The following SHISAL2B variants were observed in gnomAD, a reference collection of about 807,000 sequenced individuals.
SHISAL2B encodes protein shisa-like-2B.
Under a neutral mutation model 16.5 loss-of-function variants are expected in SHISAL2B, and 12 were observed. The ratio of observed to expected loss-of-function variants is 0.73; its 90% CI spans 0.47 to 1.18. SHISAL2B has a LOEUF of 1.18. Among genes scored for constraint, SHISAL2B ranks in the 50% most tolerant of loss-of-function variants. The probability of loss-of-function intolerance (pLI) is 0.00; values close to 1 mark genes in which losing one functional copy is unlikely to be tolerated. For synonymous variants in SHISAL2B, 72 were observed against 75.0 expected (o/e 0.96, Z 0.21); for missense variants, 183 against 193.6 (o/e 0.95, Z 0.33).
intron 2 of SHISAL2B, among the ~76,000 whole-genome samples, chr5:64,705,687 A>G (rs1741866430): frequency 1.3e-5 from 2 of 152,358 alleles, no homozygotes; most frequent in African/African-American, 2.4e-5. Context: ...ATTTTCAAAT[A>G]TTATATAATG....
chr5:64,714,267 C>A (rs954512896), intron 2 of SHISAL2B, among the ~76,000 whole-genome samples: 11 of 138,014 alleles, frequency 8.0e-5, no homozygotes, highest in Admixed American at 2.8e-4. Context: ...CAGACAGGAC[C>A]CTCAGCTGCA....
At chr5:64,695,750 T>C in intron 2 of SHISAL2B, 86 bp downstream of exon 2, 1 of 1,019,316 alleles carries the variant, frequency 9.8e-7, no homozygotes, top group Non-Finnish European at 1.3e-6. Flanking sequence ...CTGTTAACAA[T>C]GAATGCTTTT....
At chr5:64,706,114 T>C (rs1170731949) in intron 2 of SHISAL2B, among the ~76,000 whole-genome samples, 1 of 152,212 alleles carries the variant, frequency 6.6e-6, no homozygotes, top group Non-Finnish European at 1.5e-5. Flanking sequence ...GAGCCGAGAT[T>C]GCACCACTGT....
At chr5:64,692,779 C>G (rs552797741) in intron 1 of SHISAL2B, among the ~76,000 whole-genome samples, 1 of 152,178 alleles carries the variant, frequency 6.6e-6, no homozygotes, top group African/African-American at 2.4e-5. Flanking sequence ...TCTTCCTTTC[C>G]TGTGTCTGGC....
At chr5:64,695,219 T>G (rs957980544) in intron 1 of SHISAL2B, among the ~76,000 whole-genome samples, 2 of 150,754 alleles carry the variant, frequency 1.3e-5, no homozygotes, top group Non-Finnish European at 2.9e-5. Context: ...GATCCAAGAT[T>G]GTGCCATTGC....
At chr5:64,692,409 C>A (rs1452457013) in intron 1 of SHISAL2B, among the ~76,000 whole-genome samples, 2 of 152,216 alleles carry the variant, frequency 1.3e-5, no homozygotes, top group Admixed American at 6.5e-5. Context: ...ATGGACAGTG[C>A]AGCTCCATTC....
At chr5:64,694,258 C>T (rs1385153035) in intron 1 of SHISAL2B, 1 of 354,480 alleles carries the variant, frequency 2.8e-6, no homozygotes, top group Non-Finnish European at 5.5e-6. Context: ...TTTCTACAAG[C>T]TAAGTTCTCA....
chr5:64,705,877 G>A (rs1741868955), intron 2 of SHISAL2B, among the ~76,000 whole-genome samples: 1 of 152,118 alleles, frequency 6.6e-6, no homozygotes, highest in Admixed American at 6.5e-5. Flanking sequence ...GTGTAAGATG[G>A]GCTGGGTGCA....
intron 2 of SHISAL2B, among the ~76,000 whole-genome samples, chr5:64,708,554 A>C (rs1026433544): frequency 6.6e-6 from 1 of 152,196 alleles, no homozygotes; most frequent in Non-Finnish European, 1.5e-5. Context: ...AATCTTAAAA[A>C]CAATCCATAC....
At chr5:64,705,312 C>A (rs1741860931) in intron 2 of SHISAL2B, among the ~76,000 whole-genome samples, 2 of 151,978 alleles carry the variant, frequency 1.3e-5, no homozygotes, top group South Asian at 4.2e-4. Flanking sequence ...TAGAGAGAAC[C>A]CCGGAATGAC....
chr5:64,692,019 G>C (rs922467983), intron 1 of SHISAL2B, among the ~76,000 whole-genome samples: 3 of 152,120 alleles, frequency 2.0e-5, no homozygotes, highest in African/African-American at 7.2e-5. Context: ...GTCTCAAAAG[G>C]AGTGCCTACC....
chr5:64,717,743 A>G, intron 2 of SHISAL2B, 146 bp from the exon 3 acceptor site: 1 of 617,270 alleles, frequency 1.6e-6, no homozygotes, highest in Admixed American at 4.0e-5. Context: ...AACCACTTCA[A>G]AATAACTCAA....
chr5:64,695,932 C>G (rs543570839), intron 2 of SHISAL2B, among the ~76,000 whole-genome samples: 1 of 152,242 alleles, frequency 6.6e-6, no homozygotes, highest in African/African-American at 2.4e-5. Flanking sequence ...ATTTATGTTC[C>G]TTCCAGTTAT....
intron 2 of SHISAL2B, among the ~76,000 whole-genome samples, chr5:64,716,351 TAATA>T (rs1259016925): frequency 6.6e-6 from 1 of 152,212 alleles, no homozygotes; most frequent in African/African-American, 2.4e-5. Flanking sequence ...TACACTCAAC[TAATA>T]TTTATTGAAC....
chr5:64,710,371 G>C (rs1461657493), intron 2 of SHISAL2B, among the ~76,000 whole-genome samples: 1 of 93,316 alleles, frequency 1.1e-5, no homozygotes, highest in African/African-American at 5.5e-5. Flanking sequence ...ATTTCTGAGG[G>C]CTCTGTTCTG....
rs1336961863 is a variant in SHISAL2B at position 64,711,314 on chromosome 5, G to T, written c.350-6575G>T. On this transcript the variant is annotated intron_variant, in intron 2 of 2. Coordinates refer to ENST00000389074, the MANE Select transcript of SHISAL2B (RefSeq NM_001164442.2). ...AGATAATCATGTGGTTTTTGTCTTTGGTTCTGTTTATATGCTGGATTACAT... is the reference window on the plus strand; with the variant it reads ...AGATAATCATGTGGTTTTTGTCTTTTGTTCTGTTTATATGCTGGATTACAT... 3.4e-5 allele frequency among the ~76,000 whole-genome samples: 5 copies of T among 148,054 alleles called. No homozygotes were observed. In the East Asian group the frequency reaches 9.7e-4, roughly 29 times the overall value.
intron 2 of SHISAL2B, among the ~76,000 whole-genome samples, chr5:64,697,320 C>A (rs1357982139): frequency 6.6e-6 from 1 of 151,978 alleles, no homozygotes; most frequent in Non-Finnish European, 1.5e-5. Context: ...ATAATTGAGG[C>A]ATATAAAAGA....
chr5:64,696,550 A>G (rs897776620), intron 2 of SHISAL2B, among the ~76,000 whole-genome samples: 1 of 152,122 alleles, frequency 6.6e-6, no homozygotes, highest in Non-Finnish European at 1.5e-5. Flanking sequence ...AAGGAATATT[A>G]ATAATTAAGA....
intron 2 of SHISAL2B, among the ~76,000 whole-genome samples, chr5:64,717,084 G>A (rs1235054231): frequency 6.6e-6 from 1 of 152,140 alleles, no homozygotes; most frequent in African/African-American, 2.4e-5. Flanking sequence ...CAACATGGAG[G>A]TAATTAGTAA....
Sources: allele counts gnomAD v4.1 joint callset (sites outside exome capture counted in the v4.1 genomes callset), GRCh38; gene constraint gnomAD v4.1.1; transcripts MANE v1.5; gene names NCBI Gene and HGNC (gene_info 2026-07-23, HGNC 2026-07-21).